ADGRE2: variants seen among roughly 807,000 people sequenced by gnomAD.
ADGRE2 encodes CD97 antigen.
ADGRE2 carries 83 observed loss-of-function variants against 100.8 expected under a neutral mutation model. The observed-to-expected ratio is 0.82, with a 90% confidence interval of 0.69 to 0.99. ADGRE2 has a LOEUF of 0.99. Among genes scored for constraint, ADGRE2 ranks in the 50% least tolerant of loss-of-function variants. ADGRE2 has a pLI of 0.00. For synonymous variants in ADGRE2, 355 were observed against 413.0 expected (o/e 0.86, Z 1.70); for missense variants, 814 against 1,035.7 (o/e 0.79, Z 2.94).
At chr19:14,728,281 A>G (rs751744385), downstream of ADGRE2, among the ~76,000 whole-genome samples, 1 of 152,254 alleles carries the variant, frequency 6.6e-6, no homozygotes, top group Non-Finnish European at 1.5e-5. Context: ...AAGGCATGAG[A>G]TAATTCTTCG....
intron 17 of ADGRE2, 133 bp downstream of exon 17, chr19:14,746,763 G>A (rs2043105314): frequency 1.4e-6 from 1 of 708,280 alleles, no homozygotes. Flanking sequence ...GAAGATTCAA[G>A]AGTGGTCTTA....
intron 11 of ADGRE2, among the ~76,000 whole-genome samples, chr19:14,756,617 C>A (rs949977207): frequency 5.9e-5 from 9 of 152,044 alleles, no homozygotes; most frequent in Non-Finnish European, 1.0e-4. Flanking sequence ...GTAATCAAAA[C>A]CTCTCAAAAC....
At chr19:14,736,755 TATAG>T (rs2042759040) in intron 20 of ADGRE2, among the ~76,000 whole-genome samples, 1 of 145,436 alleles carries the variant, frequency 6.9e-6, no homozygotes, top group South Asian at 2.1e-4. Flanking sequence ...TTTAGAAATA[TATAG>T]ATATTTAGAA....
intron 11 of ADGRE2, among the ~76,000 whole-genome samples, chr19:14,762,796 A>C (rs1039345038): frequency 1.6e-4 from 25 of 151,864 alleles, no homozygotes; most frequent in Non-Finnish European, 3.4e-4. Context: ...GGTGTGCACC[A>C]CCACGCCTGT....
Position 14,765,371 on chromosome 19 carries a change from G to T in ADGRE2, c.855C>A (p.Val285=), listed in dbSNP as rs1249106960. 1 of 1,614,176 alleles carries T rather than the reference G, an allele frequency of 6.2e-7. No homozygotes were observed. Among genetic ancestry groups the T allele is most frequent in the African/African-American group, 1.3e-5 (1 of 75,068 alleles). The part of the protein sequence containing the change: ...SQTLSRFFDK[V]QDLGRDYKPG... ...GCTTGTAGTCTCTGCCCAGGTCCTG[G>T]ACTTTGTCGAAGAATCGGGAAAGCG... Residue 285 remains valine, a synonymous_variant, in exon 10 of 21, where the codon GTC becomes GTA. Transcript: ENST00000315576.
chr19:14,727,485 C>T (rs2042641291), downstream of ADGRE2, among the ~76,000 whole-genome samples: 1 of 152,128 alleles, frequency 6.6e-6, no homozygotes, highest in South Asian at 2.1e-4. Context: ...GAGCAAGAGA[C>T]AGAGTAGAGA....
intron 17 of ADGRE2, 67 bp from the exon 18 acceptor site, chr19:14,746,390 T>TCTTC: frequency 1.2e-6 from 1 of 845,844 alleles, no homozygotes; most frequent in Non-Finnish European, 1.9e-6. Flanking sequence ...TTTTTTTTTT[T>TCTTC]CAGACAGGGT....
intron 17 of ADGRE2, among the ~76,000 whole-genome samples, 176 bp from the exon 18 acceptor site, chr19:14,746,499 A>C (rs565369747): frequency 1.2e-4 from 18 of 151,120 alleles, no homozygotes; most frequent in Non-Finnish European, 1.9e-4. Flanking sequence ...CAGCCTCCCG[A>C]GTACAGGCAC....
chr19:14,729,139 G>C (rs1245784291), downstream of ADGRE2, among the ~76,000 whole-genome samples: 1 of 152,148 alleles, frequency 6.6e-6, no homozygotes, highest in Non-Finnish European at 1.5e-5. Context: ...ACTTGGGGCA[G>C]GGAGGCATAG....
At chr19:14,766,946 C>T in intron 6 of ADGRE2, 32 bp downstream of exon 6, 1 of 1,563,770 alleles carries the variant, frequency 6.4e-7, no homozygotes, top group African/African-American at 1.4e-5. Flanking sequence ...CAGCTCCCGT[C>T]CAGCCTCACA....
intron 11 of ADGRE2, among the ~76,000 whole-genome samples, chr19:14,760,903 T>C (rs2335221): frequency 0.44 from 66,575 of 151,986 alleles, 15,797 homozygotes; most frequent in African/African-American, 0.61. Context: ...CTTCAGCCTT[T>C]ACAGCCCCTT....
intron 1 of ADGRE2, among the ~76,000 whole-genome samples, chr19:14,777,615 G>A (rs1350401845): frequency 6.6e-6 from 1 of 152,002 alleles, no homozygotes; most frequent in Non-Finnish European, 1.5e-5. Flanking sequence ...ATTTACATTA[G>A]GTATTTCTCC....
At chr19:14,762,306 G>A (rs2043755132) in intron 11 of ADGRE2, among the ~76,000 whole-genome samples, 1 of 151,910 alleles carries the variant, frequency 6.6e-6, no homozygotes, top group Admixed American at 6.6e-5. Flanking sequence ...ATTCAGCCAT[G>A]AAAAAGAATG....
At chr19:14,739,259 C>T (rs756696352) in intron 20 of ADGRE2, among the ~76,000 whole-genome samples, 2 of 151,870 alleles carry the variant, frequency 1.3e-5, no homozygotes, top group African/African-American at 2.4e-5. Flanking sequence ...TGTGAGCCAG[C>T]GTGTCCGGCC....
At position 14,753,371 on chromosome 19, in the gene ADGRE2, G is replaced by A. The variant is rs137939356; in HGVS notation, c.1591-845C>T. Reference sequence around the variant, plus strand: ...AGGTCTGGGCGGGAGGGGCTGGGCGGTATGGCTTGCTGCCTGGGAGGATAT... The same window carrying A: ...AGGTCTGGGCGGGAGGGGCTGGGCGATATGGCTTGCTGCCTGGGAGGATAT... On this transcript the variant is annotated intron_variant, in intron 14 of 20. Coordinates refer to ENST00000315576, the MANE Select transcript of ADGRE2 (RefSeq NM_013447.4). 2.7e-3 allele frequency among the ~76,000 whole-genome samples: 414 copies of A among 152,262 alleles called. 1 individual carries two copies. Among genetic ancestry groups the A allele is most frequent in the African/African-American group, 9.4e-3 (390 of 41,568 alleles).
At chr19:14,774,947 T>G (rs2044380147) in intron 2 of ADGRE2, among the ~76,000 whole-genome samples, 1 of 150,686 alleles carries the variant, frequency 6.6e-6, no homozygotes, top group Non-Finnish European at 1.5e-5. Context: ...GTGCTAGGAT[T>G]ACAGGTGTGA....
intron 20 of ADGRE2, among the ~76,000 whole-genome samples, chr19:14,739,491 T>A (rs536221770): frequency 2.9e-4 from 44 of 152,344 alleles, no homozygotes; most frequent in African/African-American, 1.0e-3. Flanking sequence ...AATGTGTATA[T>A]ATCATTTCTA....
chr19:14,763,964 T>G (rs553971077), intron 11 of ADGRE2, among the ~76,000 whole-genome samples: 1 of 144,804 alleles, frequency 6.9e-6, no homozygotes, highest in South Asian at 2.3e-4. Flanking sequence ...CCTTCTGTCC[T>G]CCCCCTCCTG....
chr19:14,758,612 C>T (rs1230447600), intron 11 of ADGRE2, among the ~76,000 whole-genome samples: 2 of 152,156 alleles, frequency 1.3e-5, no homozygotes, highest in African/African-American at 4.8e-5. Flanking sequence ...TGGCTGGGCG[C>T]AGTGGCTCAC....
Sources: gnomAD v4.1 joint callset for allele counts (sites outside exome capture counted in the v4.1 genomes callset) on GRCh38, gnomAD v4.1.1 for gene constraint, MANE v1.5 for transcripts, NCBI Gene and HGNC (gene_info 2026-07-23, HGNC 2026-07-21) for gene names.